The following PAPSS2 variants were observed in gnomAD, a reference collection of about 807,000 sequenced individuals.
The protein encoded by PAPSS2 is bifunctional 3'-phosphoadenosine 5'-phosphosulfate synthase 2.
A neutral mutation model predicts 66.5 loss-of-function variants in PAPSS2; 61 were observed. The ratio of observed to expected loss-of-function variants is 0.92; its 90% CI spans 0.75 to 1.14. PAPSS2 has a LOEUF of 1.14. Ranked by LOEUF, PAPSS2 falls within the 50% of genes most tolerant of loss-of-function variation. The pLI is 0.00. For synonymous variants in PAPSS2, 289 were observed against 287.5 expected (o/e 1.01, Z -0.05); for missense variants, 708 against 789.6 (o/e 0.90, Z 1.24).
chr10:87,684,469 T>C (rs116429762), intron 1 of PAPSS2, among the ~76,000 whole-genome samples: 1,944 of 152,360 alleles, frequency 0.013, 42 homozygotes, highest in African/African-American at 0.044. Context: ...CAGTTCACAG[T>C]GTGACTTGTC....
intron 8 of PAPSS2, among the ~76,000 whole-genome samples, chr10:87,724,849 T>TAGACACACACACACACACACACACAC (rs1468115844): frequency 1.9e-5 from 1 of 52,080 alleles, no homozygotes; most frequent in African/African-American, 1.3e-4. Context: ...AATCTCTGTC[T>TAGACACACACACACACACACACACAC]ATACACACAC....
At chr10:87,709,694 C>A (rs190114476) in intron 2 of PAPSS2, among the ~76,000 whole-genome samples, 30 of 152,318 alleles carry the variant, frequency 2.0e-4, no homozygotes, top group African/African-American at 6.5e-4. Context: ...TGACATCAAG[C>A]ATTTGGCTGT....
At chr10:87,717,756 G>A (rs1853549545) in intron 7 of PAPSS2, among the ~76,000 whole-genome samples, 1 of 152,080 alleles carries the variant, frequency 6.6e-6, no homozygotes, top group South Asian at 2.1e-4. Flanking sequence ...GTAGAGATAA[G>A]GTCTCACTAT....
chr10:87,673,454 C>G (rs11202499), intron 1 of PAPSS2, among the ~76,000 whole-genome samples: 69,121 of 151,756 alleles, frequency 0.46, 16,494 homozygotes, highest in East Asian at 0.78. Context: ...AGCCACTGTG[C>G]CAGCCTGGGA....
chr10:87,703,036 G>C (rs1853337158), intron 1 of PAPSS2, among the ~76,000 whole-genome samples: 1 of 152,172 alleles, frequency 6.6e-6, no homozygotes. Flanking sequence ...GGAGTGAGGG[G>C]TGAGCCTGGC....
intron 7 of PAPSS2, 72 bp from the exon 8 acceptor site, chr10:87,721,684 T>G: frequency 4.6e-5 from 47 of 1,011,038 alleles, no homozygotes; most frequent in Non-Finnish European, 6.9e-5. Context: ...ATTTGTTCTT[T>G]GACATTGTTG....
intron 8 of PAPSS2, among the ~76,000 whole-genome samples, chr10:87,725,426 C>T (rs1368118308): frequency 6.6e-6 from 1 of 152,140 alleles, no homozygotes; most frequent in East Asian, 1.9e-4. Context: ...AGAGACTCAG[C>T]ATAATGGTGA....
intron 2 of PAPSS2, among the ~76,000 whole-genome samples, chr10:87,712,326 C>T (rs1159511494): frequency 1.3e-5 from 2 of 152,164 alleles, no homozygotes; most frequent in Admixed American, 6.5e-5. Context: ...GTGGACTTAC[C>T]AGTCTCCAGG....
At position 87,713,060 on chromosome 10, in the gene PAPSS2, A is replaced by G. The variant is rs1192773097; in HGVS notation, c.146-15A>G. 6 of 1,463,648 alleles carry G rather than the reference A, an allele frequency of 4.1e-6. No homozygotes were observed. The highest frequency in any genetic ancestry group is 2.3e-5 in the East Asian group (1 of 43,982). The allele number at this position is 1,463,648 out of a possible 1,614,324, so 90.7% of individuals were successfully genotyped here. ...ATCCAGGCCGATGTCAGTCTGTTTTATCTGTTCTGAACAGGTCTCTCTGGT... is the reference window on the plus strand; with the variant it reads ...ATCCAGGCCGATGTCAGTCTGTTTTGTCTGTTCTGAACAGGTCTCTCTGGT... On this transcript the variant is annotated splice_polypyrimidine_tract_variant and intron_variant, in intron 2 of 12. Transcript: ENST00000456849.
intron 10 of PAPSS2, among the ~76,000 whole-genome samples, chr10:87,742,276 A>G (rs573471026): frequency 6.6e-6 from 1 of 152,348 alleles, no homozygotes; most frequent in African/African-American, 2.4e-5. Flanking sequence ...CATGTTCTGG[A>G]AAACAAAATA....
chr10:87,693,548 A>T (rs7906701), intron 1 of PAPSS2, among the ~76,000 whole-genome samples: 1 of 152,202 alleles, frequency 6.6e-6, no homozygotes, highest in Non-Finnish European at 1.5e-5. Context: ...AGGAAGAAGC[A>T]GTGGAATAAC....
intron 1 of PAPSS2, among the ~76,000 whole-genome samples, chr10:87,673,602 G>C (rs1589419406): frequency 6.9e-6 from 1 of 144,528 alleles, no homozygotes; most frequent in South Asian, 2.2e-4. Context: ...GTGTGTGTGT[G>C]TCTAATTCCT....
chr10:87,674,422 T>C (rs1322617814), intron 1 of PAPSS2, among the ~76,000 whole-genome samples: 1 of 152,154 alleles, frequency 6.6e-6, no homozygotes, highest in African/African-American at 2.4e-5. Flanking sequence ...TGCCTAGGCC[T>C]CCCAAAGTGC....
chr10:87,715,196 G>A, intron 6 of PAPSS2, 98 bp downstream of exon 6: 2 of 745,726 alleles, frequency 2.7e-6, no homozygotes, highest in Admixed American at 2.0e-5. Context: ...TAAATAAGGT[G>A]CACATAATGT....
Position 87,715,747 on chromosome 10 carries a change from G to T in PAPSS2, c.769G>T (p.Val257Phe), listed in dbSNP as rs992403437. 2 of 1,611,732 alleles carry T rather than the reference G, an allele frequency of 1.2e-6. No homozygotes were observed. The highest frequency in any genetic ancestry group is 2.7e-5 in the African/African-American group (2 of 74,876). Residue 257 changes from valine to phenylalanine, a missense_variant, in exon 7 of 13, where the codon GTC (valine) becomes TTC (phenylalanine). Transcript: ENST00000456849. ...TGTTTTGCAGCTGGATCTCCAGTGG[G>T]TCCAGGTTTTGAGCGAAGGCTGGGC... Reference protein sequence around the residue: ...LSITKLDLQWVQVLSEGWATP... With the variant: ...LSITKLDLQWFQVLSEGWATP...
At chr10:87,673,187 GTGTT>G (rs898238420) in intron 1 of PAPSS2, among the ~76,000 whole-genome samples, 2 of 152,184 alleles carry the variant, frequency 1.3e-5, no homozygotes. Flanking sequence ...CCATTGAATT[GTGTT>G]TGTTGTATTG....
chr10:87,726,858 G>A (rs533626815), intron 8 of PAPSS2, among the ~76,000 whole-genome samples: 24 of 152,264 alleles, frequency 1.6e-4, no homozygotes, highest in African/African-American at 5.1e-4. Flanking sequence ...CTTGCTTAAC[G>A]TTCTTACAAG....
chr10:87,707,762 A>G (rs1483092306), intron 1 of PAPSS2, among the ~76,000 whole-genome samples: 2 of 151,264 alleles, frequency 1.3e-5, no homozygotes, highest in Middle Eastern at 3.2e-3. Flanking sequence ...CATAGAGATG[A>G]GGTCTCACTA....
chr10:87,734,033 G>A (rs931797245), intron 9 of PAPSS2, among the ~76,000 whole-genome samples: 1 of 152,056 alleles, frequency 6.6e-6, no homozygotes, highest in East Asian at 1.9e-4. Flanking sequence ...CTTGGGTCAG[G>A]ACATTTCAAT....
Sources: gnomAD v4.1 joint callset for allele counts (sites outside exome capture counted in the v4.1 genomes callset) on GRCh38, gnomAD v4.1.1 for gene constraint, MANE v1.5 for transcripts, NCBI Gene and HGNC (gene_info 2026-07-23, HGNC 2026-07-21) for gene names.